Variants in UPRT observed in about 807,000 individuals in gnomAD.
The protein encoded by UPRT is uracil phosphoribosyltransferase homolog.
In UPRT, 5 loss-of-function variants were observed where a neutral mutation model predicts 22.6. That is an observed-to-expected ratio of 0.22 (90% confidence interval 0.12 to 0.47). The LOEUF (loss-of-function observed/expected upper bound fraction) is 0.47, where lower values mean the gene tolerates loss of function less well. Among genes scored for constraint, UPRT ranks in the 20% least tolerant of loss-of-function variants. The pLI is 0.99. For synonymous variants in UPRT, 77 were observed against 87.7 expected, an observed-to-expected ratio of 0.88 and a Z score of 0.68; for missense variants, 181 against 239.9, an observed-to-expected ratio of 0.75 and a Z score of 1.62.
chrX:75,267,813 G>T (rs1025829338), intron 4 of UPRT, among the ~76,000 whole-genome samples: 5 of 111,591 alleles, frequency 4.5e-5, no homozygotes, highest in African/African-American at 1.6e-4. Flanking sequence ...AAGCAGGAAA[G>T]ATCCAAAATC....
At chrX:75,161,508 G>T (rs5981327) in intron 2 of UPRT, among the ~76,000 whole-genome samples, 1,496 of 112,472 alleles carry the variant, frequency 0.013, 17 homozygotes, top group African/African-American at 0.046. Context: ...TTACAAATTT[G>T]TAAATGAGCT....
intron 1 of UPRT, among the ~76,000 whole-genome samples, chrX:75,291,032 T>C (rs1324649494): frequency 1.8e-5 from 2 of 112,183 alleles, no homozygotes; most frequent in Non-Finnish European, 3.8e-5. Context: ...AGTGTGAAGA[T>C]AACTTTTTAA....
chrX:75,269,643 A>C (rs1052746250), upstream of UPRT, among the ~76,000 whole-genome samples: 7 of 111,869 alleles, frequency 6.3e-5, no homozygotes, highest in Non-Finnish European at 5.6e-5. Flanking sequence ...TGACAAAAAC[A>C]AGCAATGGGA....
chrX:75,200,745 C>T (rs944596377), intron 4 of UPRT, among the ~76,000 whole-genome samples: 1 of 110,677 alleles, frequency 9.0e-6, no homozygotes, highest in East Asian at 2.8e-4. Context: ...AGAGCCCAGC[C>T]TAGAAAACAT....
rs779379646 is a variant in UPRT at position 75,251,123 on chromosome X, C to G, written c.-446-39901C>G. Among the ~76,000 whole-genome samples the G allele has an allele frequency of 3.4e-3, 375 of 111,314 alleles. 2 individuals carry two copies. The highest frequency in any genetic ancestry group is 0.012 in the African/African-American group (358 of 30,660). On this transcript the variant is annotated intron_variant, in intron 4 of 13. Coordinates refer to the UPRT transcript ENST00000652605. Reference sequence around the variant, plus strand: ...CAATATCATACTAAATGGACAAAAACTGGAAGCATTCCCTTTGAAAACTGG... The same window carrying G: ...CAATATCATACTAAATGGACAAAAAGTGGAAGCATTCCCTTTGAAAACTGG...
At chrX:75,181,659 T>C (rs1253882906) in intron 4 of UPRT, among the ~76,000 whole-genome samples, 4 of 111,619 alleles carry the variant, frequency 3.6e-5, no homozygotes, top group Non-Finnish European at 7.5e-5. Flanking sequence ...ATGTTGTTGG[T>C]GTATAGGAAT....
intron 4 of UPRT, among the ~76,000 whole-genome samples, chrX:75,172,172 G>C (rs1406040683): frequency 6.3e-5 from 7 of 111,844 alleles, no homozygotes; most frequent in Non-Finnish European, 1.3e-4. Flanking sequence ...TTTGTCTTCA[G>C]CTACCAGGAT....
At chrX:75,297,218 T>C (rs1206593871) in intron 3 of UPRT, among the ~76,000 whole-genome samples, 1 of 111,893 alleles carries the variant, frequency 8.9e-6, no homozygotes, top group African/African-American at 3.2e-5. Context: ...GTTTGAGGAA[T>C]GTGTATGTGA....
intron 4 of UPRT, among the ~76,000 whole-genome samples, chrX:75,264,441 C>T (rs2082579898): frequency 9.0e-6 from 1 of 111,727 alleles, no homozygotes; most frequent in Admixed American, 9.5e-5. Flanking sequence ...GGATAGTTAG[C>T]TCTTCTTGTT....
intron 4 of UPRT, among the ~76,000 whole-genome samples, chrX:75,225,014 T>C (rs896808668): frequency 9.0e-6 from 1 of 111,211 alleles, no homozygotes; most frequent in Non-Finnish European, 1.9e-5. Flanking sequence ...AGCTTCTGAG[T>C]AACACTTTCA....
At chrX:75,290,771 A>G (rs2082703642) in intron 1 of UPRT, among the ~76,000 whole-genome samples, 2 of 110,280 alleles carry the variant, frequency 1.8e-5, no homozygotes, top group South Asian at 7.9e-4. Context: ...TGAAGATGGC[A>G]ACAGTAGACA....
intron 4 of UPRT, among the ~76,000 whole-genome samples, chrX:75,249,138 G>A (rs1265939117): frequency 1.8e-5 from 2 of 111,383 alleles, no homozygotes; most frequent in Admixed American, 1.9e-4. Flanking sequence ...AGTCTAGGAA[G>A]AGCTGCATCA....
At chrX:75,241,499 A>G (rs928003646) in intron 4 of UPRT, among the ~76,000 whole-genome samples, 2 of 111,825 alleles carry the variant, frequency 1.8e-5, no homozygotes, top group African/African-American at 6.5e-5. Flanking sequence ...TATAACCACT[A>G]TGGAAAACAG....
intron 4 of UPRT, among the ~76,000 whole-genome samples, chrX:75,239,506 A>T (rs1385667438): frequency 9.0e-6 from 1 of 111,659 alleles, no homozygotes; most frequent in African/African-American, 3.3e-5. Context: ...TTCACAGCTG[A>T]ATTCTAGCAA....
At chrX:75,229,314 T>C (rs1209527537) in intron 4 of UPRT, among the ~76,000 whole-genome samples, 1 of 111,612 alleles carries the variant, frequency 9.0e-6, no homozygotes, top group Non-Finnish European at 1.9e-5. Flanking sequence ...TCAGGAAACC[T>C]GGAAAAAAGC....
intron 1 of UPRT, among the ~76,000 whole-genome samples, chrX:75,160,373 A>G (rs1279153817): frequency 1.8e-5 from 2 of 111,370 alleles, no homozygotes; most frequent in Non-Finnish European, 3.8e-5. Flanking sequence ...ACATGTTGTC[A>G]GTTAGCCCTC....
intron 4 of UPRT, among the ~76,000 whole-genome samples, chrX:75,187,494 A>T (rs1414109853): frequency 9.1e-6 from 1 of 110,466 alleles, no homozygotes; most frequent in Non-Finnish European, 1.9e-5. Context: ...TCTGACCTTT[A>T]TGTGTCTTGG....
At chrX:75,290,982 G>A (rs748597839) in intron 1 of UPRT, among the ~76,000 whole-genome samples, 2 of 111,637 alleles carry the variant, frequency 1.8e-5, no homozygotes, top group Non-Finnish European at 3.8e-5. Context: ...AAAAAATGAG[G>A]ATTTGGCTTC....
intron 4 of UPRT, among the ~76,000 whole-genome samples, chrX:75,227,781 C>T (rs1374475357): frequency 5.3e-5 from 6 of 112,310 alleles, no homozygotes; most frequent in Non-Finnish European, 1.1e-4. Flanking sequence ...CTTTTGCAAG[C>T]AGGTACATGT....
Sources: gnomAD v4.1 joint callset for allele counts (sites outside exome capture counted in the v4.1 genomes callset) on GRCh38, gnomAD v4.1.1 for gene constraint, MANE v1.5 for transcripts, NCBI Gene and HGNC (gene_info 2026-07-23, HGNC 2026-07-21) for gene names.